The following ATF2 variants were observed in gnomAD, a reference collection of about 807,000 sequenced individuals.
ATF2 encodes the protein cyclic AMP-dependent transcription factor ATF-2.
In ATF2, 24 loss-of-function variants were observed where a neutral mutation model predicts 60.6. That is an observed-to-expected ratio of 0.40 (90% CI 0.29 to 0.56). The LOEUF (loss-of-function observed/expected upper bound fraction) is 0.56. Ranked by LOEUF, ATF2 falls within the 20% of genes least tolerant of loss-of-function variation. The pLI, the probability that ATF2 is intolerant of heterozygous loss-of-function variation, is 0.54. For synonymous variants in ATF2, 206 were observed against 215.4 expected (o/e 0.96, Z 0.38); for missense variants, 433 against 607.7 (o/e 0.71, Z 3.02).
In ATF2 at chr2:175,115,434, A is replaced by T. The variant is rs181999380; in HGVS notation, c.448-566T>A. On this transcript the variant is annotated intron_variant, in intron 7 of 13. Coordinates refer to ENST00000264110, the MANE Select transcript of ATF2 (RefSeq NM_001880.4). ...TACTGATATCTTGAATGTAAAATAAATAATTACCGGAGTGAACTCTTTCAA... is the reference window on the plus strand; with the variant it reads ...TACTGATATCTTGAATGTAAAATAATTAATTACCGGAGTGAACTCTTTCAA... 1.6e-3 allele frequency among the ~76,000 whole-genome samples: 239 copies of T among 152,306 alleles called. 2 individuals are homozygous for T. Among genetic ancestry groups the T allele is most frequent in the African/African-American group, 5.5e-3 (229 of 41,576 alleles).
chr2:175,111,514 C>T, intron 10 of ATF2, 54 bp downstream of exon 10: 7 of 1,466,042 alleles, frequency 4.8e-6, no homozygotes, highest in South Asian at 1.2e-5. Context: ...TTAGTGAAAA[C>T]ATTAATTCAA....
chr2:175,136,625 A>G (rs138514508), intron 2 of ATF2, 139 bp from the exon 3 acceptor site: 23 of 597,080 alleles, frequency 3.9e-5, no homozygotes, highest in Middle Eastern at 3.8e-4. Context: ...TTTTTATAAT[A>G]GAGTACTGCT....
intron 2 of ATF2, among the ~76,000 whole-genome samples, chr2:175,143,738 T>G (rs964740027): frequency 7.2e-5 from 11 of 152,194 alleles, no homozygotes; most frequent in Non-Finnish European, 1.6e-4. Context: ...GAGGCTGAAC[T>G]TTTTCATATA....
rs139414823 is a variant in ATF2, at chr2:175,086,484, G to A, written c.1186-5719C>T. On this transcript the variant is annotated intron_variant, in intron 12 of 13. Transcript: ENST00000264110. ...TCAAGACCAGGTCAAGCGTGGGTTGGAAATAGGATGCTCATGCTGGTAAAG... is the reference window on the plus strand; with the variant it reads ...TCAAGACCAGGTCAAGCGTGGGTTGAAAATAGGATGCTCATGCTGGTAAAG... Among the ~76,000 whole-genome samples the A allele has an allele frequency of 5.3e-3, 804 of 152,240 alleles. 5 individuals are homozygous for A. The highest frequency in any genetic ancestry group is 0.017 in the Middle Eastern group (5 of 294).
chr2:175,156,423 AAGAT>A lies in ATF2; in HGVS notation c.-142-5269_-142-5266del, dbSNP rs1158015906. Among the ~76,000 whole-genome samples the A allele has an allele frequency of 3.2e-4, 48 of 151,358 alleles. 2 individuals carry two copies. Among genetic ancestry groups the A allele is most frequent in the Admixed American group, 3.2e-3 (48 of 15,198 alleles). ...AAAAAAGGACTACAGATCCAAAAATAAGATAGATTCCTGGGTTATCCAGGAATCT... is the reference window on the plus strand; with the variant it reads ...AAAAAAGGACTACAGATCCAAAAATAAGATTCCTGGGTTATCCAGGAATCT... On this transcript the variant is annotated intron_variant, in intron 1 of 13. Transcript: ENST00000264110.
intron 9 of ATF2, among the ~76,000 whole-genome samples, chr2:175,112,196 G>A (rs1420386153): frequency 6.6e-6 from 1 of 152,000 alleles, no homozygotes; most frequent in African/African-American, 2.4e-5. Flanking sequence ...CACAGTTACT[G>A]TATAAATAAA....
At chr2:175,119,939 C>T (rs577776344) in intron 5 of ATF2, among the ~76,000 whole-genome samples, 1 of 151,638 alleles carries the variant, frequency 6.6e-6, no homozygotes, top group Non-Finnish European at 1.5e-5. Context: ...TTAACATGCA[C>T]ATTGCATATG....
chr2:175,083,539 C>A (rs1045255770), intron 12 of ATF2, among the ~76,000 whole-genome samples: 2 of 152,138 alleles, frequency 1.3e-5, no homozygotes, highest in African/African-American at 2.4e-5. Context: ...ACCATAAAAA[C>A]CCTAGAAGAA....
intron 12 of ATF2, among the ~76,000 whole-genome samples, chr2:175,090,881 A>C (rs1056396779): frequency 1.3e-5 from 2 of 152,210 alleles, no homozygotes; most frequent in Non-Finnish European, 2.9e-5. Context: ...ACTGTGTGAC[A>C]GAAAAAACAT....
chr2:175,161,345 T>C (rs1005344060), intron 1 of ATF2, among the ~76,000 whole-genome samples: 4 of 152,232 alleles, frequency 2.6e-5, no homozygotes, highest in African/African-American at 7.2e-5. Context: ...AGATTATTTC[T>C]GAATGAACTT....
intron 12 of ATF2, among the ~76,000 whole-genome samples, chr2:175,083,629 C>A (rs969735652): frequency 8.5e-5 from 13 of 152,050 alleles, no homozygotes; most frequent in East Asian, 1.9e-4. Flanking sequence ...GCAACAAAAG[C>A]CAAAATTGAC....
At chr2:175,127,829 A>G (rs1227773222) in intron 4 of ATF2, among the ~76,000 whole-genome samples, 1 of 151,926 alleles carries the variant, frequency 6.6e-6, no homozygotes, top group African/African-American at 2.4e-5. Flanking sequence ...ATTAACCCTG[A>G]TAACTCCTAT....
At chr2:175,075,950 G>A (rs554096414) in intron 13 of ATF2, among the ~76,000 whole-genome samples, 13 of 152,190 alleles carry the variant, frequency 8.5e-5, no homozygotes, top group South Asian at 8.3e-4. Flanking sequence ...TTTTTATTCA[G>A]TGTTTAGGAG....
At position 175,117,063 on chromosome 2, in the gene ATF2, C is replaced by T. The variant is rs75465564; in HGVS notation, c.447+927G>A. On this transcript the variant is annotated intron_variant, in intron 7 of 13. Coordinates refer to ENST00000264110, the MANE Select transcript of ATF2 (RefSeq NM_001880.4). ...CCATCTATCCTTCTATTTAACTATT[C>T]ACTTATGTATTTGTACCTATAAATG... 9.6e-3 allele frequency among the ~76,000 whole-genome samples: 1,465 copies of T among 151,864 alleles called. 8 individuals carry two copies. Among genetic ancestry groups the T allele is most frequent in the Non-Finnish European group, 0.014 (960 of 67,836 alleles).
chr2:175,167,583 A>T, intron 1 of ATF2: 1 of 472,684 alleles, frequency 2.1e-6, no homozygotes, highest in South Asian at 1.5e-5. Flanking sequence ...CAATCGCTTG[A>T]ATACTGGGTG....
Position 175,097,599 on chromosome 2 carries a change from A to G in ATF2, c.829-6T>C. The G allele has an allele frequency of 1.9e-6, 3 of 1,612,918 alleles. No individual in the cohort carries two copies. Among genetic ancestry groups the G allele is most frequent in the South Asian group, 1.1e-5 (1 of 90,832 alleles). On this transcript the variant is annotated splice_polypyrimidine_tract_variant and splice_region_variant and intron_variant, in intron 10 of 13. Coordinates refer to ENST00000264110, the MANE Select transcript of ATF2 (RefSeq NM_001880.4). ...GTCAAAGCAGCTTTTAATCTCTGCA[A>G]TGCAAACACCATTAAAAATTTTTTT... is the stretch of plus-strand genomic sequence containing the variant.
At chr2:175,160,105 C>T (rs1450033237) in intron 1 of ATF2, among the ~76,000 whole-genome samples, 1 of 152,184 alleles carries the variant, frequency 6.6e-6, no homozygotes, top group African/African-American at 2.4e-5. Context: ...ACACTACCGG[C>T]TTGGTGTGGT....
intron 3 of ATF2, among the ~76,000 whole-genome samples, chr2:175,134,370 T>C (rs1697976517): frequency 6.6e-6 from 1 of 151,910 alleles, no homozygotes. Flanking sequence ...CCCACAGATA[T>C]TGAGGAACAA....
intron 4 of ATF2, among the ~76,000 whole-genome samples, chr2:175,124,341 A>C (rs1464893111): frequency 6.6e-6 from 1 of 151,796 alleles, no homozygotes; most frequent in Non-Finnish European, 1.5e-5. Flanking sequence ...CTCTCTTAAA[A>C]GGTTAAAAAG....
Sources: gnomAD v4.1 joint callset for allele counts (sites outside exome capture counted in the v4.1 genomes callset) on GRCh38, gnomAD v4.1.1 for gene constraint, MANE v1.5 for transcripts, NCBI Gene and HGNC (gene_info 2026-07-23, HGNC 2026-07-21) for gene names.